The following CCAR2 variants were observed in gnomAD, a reference collection of about 807,000 sequenced individuals.
CCAR2 encodes cell cycle and apoptosis regulator 2, also known as cell cycle and apoptosis regulator protein 2.
Under a neutral mutation model 108.1 loss-of-function variants are expected in CCAR2, and 21 were observed. The ratio of observed to expected loss-of-function variants is 0.19; its 90% CI spans 0.14 to 0.28. The LOEUF is 0.28. Among genes scored for constraint, CCAR2 ranks in the 10% least tolerant of loss-of-function variants. The pLI, the probability that CCAR2 is intolerant of heterozygous loss-of-function variation, is 1.00. For synonymous variants in CCAR2, 577 were observed against 472.8 expected (o/e 1.22, Z -2.86); for missense variants, 1,126 against 1,177.0 (o/e 0.96, Z 0.63).
chr8:22,615,084 T>G, intron 11 of CCAR2, 83 bp downstream of exon 11: 4 of 1,435,598 alleles, frequency 2.8e-6, no homozygotes, highest in Non-Finnish European at 3.7e-6. Flanking sequence ...CCTGCCCCTT[T>G]CTGCTGGTTA....
In CCAR2 at chr8:22,620,205, C is replaced by G. The variant is rs962967736; in HGVS notation, c.*523C>G. The G allele has an allele frequency of 6.4e-6, 1 of 156,770 alleles. No individual in the cohort carries two copies. Among genetic ancestry groups the G allele is most frequent in the Non-Finnish European group, 1.4e-5 (1 of 70,558 alleles). 9.7% of individuals were successfully genotyped at this position (156,770 alleles called of 1,614,324 possible). ...GGCCATCACGGGAATGGAGTCCATG[C>G]TAGAAAGAGCTCAGTGTTGGGCTGG... On this transcript the variant is annotated 3_prime_UTR_variant, in exon 21 of 21. Transcript: ENST00000308511.
chr8:22,616,880 TTTTTTTTTTTTTTTTTG>T lies in CCAR2; in HGVS notation c.1846-539_1846-523del, dbSNP rs1487209962. Among the ~76,000 whole-genome samples the T allele has an allele frequency of 2.5e-4, 15 of 60,878 alleles. 1 individual carries two copies. In the East Asian group the frequency reaches 2.9e-3, roughly 12 times the overall value. 39.9% of individuals were successfully genotyped at this position (60,878 alleles called of 152,430 possible). A position where few individuals can be genotyped will look rare whatever the true frequency, so the allele number is the denominator to read the frequency against. ...ATACTAGTCTGCTTTTTTTTTTTTT[TTTTTTTTTTTTTTTTTG>T]GGGAGATGGAGTCTTGCTCTGTCAC... On this transcript the variant is annotated intron_variant, in intron 14 of 20. Coordinates refer to ENST00000308511, the MANE Select transcript of CCAR2 (RefSeq NM_001393997.1).
downstream of CCAR2, chr8:22,620,510 G>GGCTTGCCC (rs1294696592): frequency 6.9e-6 from 1 of 144,168 alleles, no homozygotes; most frequent in Non-Finnish European, 1.5e-5. Context: ...TACTCTCCTA[G>GGCTTGCCC]GCTTGCCCGC....
chr8:22,607,469 T>C (rs1192953340), intron 6 of CCAR2, 144 bp downstream of exon 6: 1 of 332,364 alleles, frequency 3.0e-6, no homozygotes, highest in African/African-American at 2.4e-5. Context: ...TGTTTAGGGT[T>C]TTTTTTTTTT....
intron 7 of CCAR2, among the ~76,000 whole-genome samples, chr8:22,611,784 TCA>T (rs1313522182): frequency 6.6e-6 from 1 of 152,202 alleles, no homozygotes; most frequent in Non-Finnish European, 1.5e-5. Context: ...TTTTTTACTC[TCA>T]GTTTATGCTG....
intron 8 of CCAR2, 38 bp from the exon 9 acceptor site, chr8:22,614,054 C>T (rs1298921762): frequency 6.4e-7 from 1 of 1,564,622 alleles, no homozygotes; most frequent in East Asian, 2.3e-5. Flanking sequence ...ATGTTTTAGT[C>T]TTTGCTCAGT....
intron 7 of CCAR2, among the ~76,000 whole-genome samples, chr8:22,610,503 T>C (rs909735109): frequency 4.0e-4 from 61 of 152,292 alleles, no homozygotes; most frequent in East Asian, 1.7e-3. Flanking sequence ...GTGTACAGCG[T>C]TGAGTGGACC....
At position 22,604,789 on chromosome 8, in the gene CCAR2, C is replaced by A. The variant is rs199915481; in HGVS notation, c.-92C>A. On this transcript the variant is annotated 5_prime_UTR_variant, in exon 1 of 21. In the 5' UTR this introduces an upstream ATG that the reference lacks. Coordinates refer to ENST00000308511, the MANE Select transcript of CCAR2 (RefSeq NM_001393997.1). The stretch of plus-strand genomic sequence containing the variant: ...CTTCCGGTGGCGGCGGCAGCAGCGG[C>A]TGTGGTGGTTCCGGGTGTCTTTGTC... 1 of 455,930 alleles carries A rather than the reference C, an allele frequency of 2.2e-6. No individual in the cohort carries two copies. The highest frequency in any genetic ancestry group is 3.9e-4 in the Middle Eastern group (1 of 2,594). The allele number at this position is 455,930 out of a possible 1,614,324, so 28.2% of individuals were successfully genotyped here.
rs148485840 is a variant in CCAR2 at position 22,611,042 on chromosome 8, A to G, written c.585-1975A>G. 9.3e-3 allele frequency among the ~76,000 whole-genome samples: 1,384 copies of G among 148,678 alleles called. 15 individuals carry two copies. Among genetic ancestry groups the G allele is most frequent in the African/African-American group, 0.033 (1,307 of 39,060 alleles). ...CATGCTATTATATAAAATTAAAATA[A>G]TATAAATACATAAAATTAAAATAAT... is the stretch of plus-strand genomic sequence containing the variant. On this transcript the variant is annotated intron_variant, in intron 7 of 20. Transcript: ENST00000308511.
intron 7 of CCAR2, among the ~76,000 whole-genome samples, chr8:22,612,239 G>A (rs1400264225): frequency 6.6e-6 from 1 of 151,660 alleles, no homozygotes; most frequent in Admixed American, 6.6e-5. Context: ...GAGCCACCGC[G>A]CCCAGCCTTG....
intron 15 of CCAR2, 33 bp downstream of exon 15, chr8:22,617,597 C>T (rs565004334): frequency 6.2e-7 from 1 of 1,608,024 alleles, no homozygotes; most frequent in African/African-American, 1.3e-5. Flanking sequence ...AGCTTGCAGG[C>T]TTGGGATGTG....
intron 10 of CCAR2, 58 bp from the exon 11 acceptor site, chr8:22,614,780 C>T (rs947197126): frequency 1.4e-5 from 15 of 1,097,472 alleles, no homozygotes; most frequent in East Asian, 2.9e-5. Context: ...CCTTGCCCTG[C>T]AGTGGGAGAC....
Position 22,616,191 on chromosome 8 carries a change from G to A in CCAR2, c.1788G>A (p.Lys596=). The change falls in exon 14 of 21, where the codon AAG becomes AAA. Residue 596 remains lysine, a synonymous_variant. Coordinates refer to ENST00000308511, the MANE Select transcript of CCAR2 (RefSeq NM_001393997.1). ...EEEAIKEEVV[K]EPKDEAQNEG... is the part of the protein sequence containing the mutation. ...AAGCCATCAAAGAGGAGGTGGTCAA[G>A]GAGCCCAAGGATGAGGCACAGAATG... The A allele has an allele frequency of 6.2e-7, 1 of 1,613,860 alleles. No individual in the cohort carries two copies. Among genetic ancestry groups the A allele is most frequent in the Non-Finnish European group, 8.5e-7 (1 of 1,179,962 alleles).
intron 3 of CCAR2, 70 bp from the exon 4 acceptor site, chr8:22,606,537 C>A (rs1253760788): frequency 1.3e-5 from 17 of 1,260,006 alleles, no homozygotes; most frequent in Non-Finnish European, 2.0e-5. Context: ...TGAGATGAGA[C>A]CTTCATGGCA....
Position 22,608,014 on chromosome 8 carries a change from T to C in CCAR2, c.533T>C (p.Leu178Pro). Residue 178 changes from leucine to proline, a missense_variant, in exon 7 of 21, where the codon CTG becomes CCG. Leu to Pro is a moderately conservative substitution (Grantham distance 98). Transcript: ENST00000308511. ...QTSHTLHLSH[L>P]NRFPARGPHG... ...TCCCACACACTTCACCTGAGCCACC[T>C]GAACAGATTTCCTGCCCGGGGCCCT... 1 of 1,613,446 alleles carries C rather than the reference T, an allele frequency of 6.2e-7. No homozygotes were observed. Among genetic ancestry groups the C allele is most frequent in the East Asian group, 2.2e-5 (1 of 44,810 alleles).
chr8:22,604,867 C>T (rs1481579806), intron 1 of CCAR2, 25 bp downstream of exon 1: 1 of 447,608 alleles, frequency 2.2e-6, no homozygotes, highest in East Asian at 7.2e-5. Flanking sequence ...CCCCTGCCGC[C>T]CCTCTGCCCC....
rs150617111 is a variant in CCAR2, at chr8:22,614,328, C to T, written c.927+14C>T. The T allele has an allele frequency of 2.0e-5, 32 of 1,613,814 alleles. 1 individual carries two copies. Among genetic ancestry groups the T allele is most frequent in the Middle Eastern group, 1.7e-4 (1 of 6,060 alleles). Reference sequence around the variant, plus strand: ...TATAGTTCGAAGGTAAGCTGACAGGCGTCTCTCACTTATCTGATTTCTGGA... The same window carrying T: ...TATAGTTCGAAGGTAAGCTGACAGGTGTCTCTCACTTATCTGATTTCTGGA... On this transcript the variant is annotated intron_variant, in intron 9 of 20. Transcript: ENST00000308511.
chr8:22,619,684 G>T lies in CCAR2; in HGVS notation c.*2G>T, dbSNP rs376276057. On this transcript the variant is annotated 3_prime_UTR_variant, in exon 21 of 21. Transcript: ENST00000308511. The stretch of plus-strand genomic sequence containing the variant: ...GAGGAGCCGGCACCTAGCAACTGAC[G>T]GCCTCGCACGGAACTGCCATCCTGT... 8.3e-6 allele frequency: 13 copies of T among 1,567,452 alleles called. No individual in the cohort carries two copies. The highest frequency in any genetic ancestry group is 1.9e-5 in the Admixed American group (1 of 53,626).
chr8:22,614,714 C>G, intron 10 of CCAR2, 124 bp from the exon 11 acceptor site: 5 of 1,337,736 alleles, frequency 3.7e-6, no homozygotes, highest in Non-Finnish European at 5.2e-6. Context: ...AGATAGAGAC[C>G]TCACTGTGTG....
Sources: allele counts gnomAD v4.1 joint callset (sites outside exome capture counted in the v4.1 genomes callset), GRCh38; gene constraint gnomAD v4.1.1; transcripts MANE v1.5; gene names NCBI Gene and HGNC (gene_info 2026-07-23, HGNC 2026-07-21).